Variants in SLC8A1 observed in about 807,000 individuals in gnomAD.
SLC8A1 encodes sodium/calcium exchanger 1.
Under a neutral mutation model 68.3 loss-of-function variants are expected in SLC8A1, and 18 were observed. That is an observed-to-expected ratio of 0.26 (90% CI 0.18 to 0.39). The LOEUF (loss-of-function observed/expected upper bound fraction) is 0.39, where lower values mean the gene tolerates loss of function less well. Among genes scored for constraint, SLC8A1 ranks in the 10% least tolerant of loss-of-function variants. The pLI is 1.00. For missense variants in SLC8A1, 985 were observed against 1,156.7 expected (o/e 0.85, Z 2.15); for synonymous variants, 475 against 415.5 (o/e 1.14, Z -1.74).
chr2:40,400,159 G>C (rs567183352), intron 2 of SLC8A1, among the ~76,000 whole-genome samples: 141 of 152,294 alleles, frequency 9.3e-4, no homozygotes, highest in Middle Eastern at 3.4e-3. Flanking sequence ...CACTCGGTGA[G>C]CTCGGCTCTT....
chr2:40,210,316 T>A (rs189046208), intron 2 of SLC8A1, among the ~76,000 whole-genome samples: 1 of 152,270 alleles, frequency 6.6e-6, no homozygotes, highest in African/African-American at 2.4e-5. Context: ...AGGAAGAAGA[T>A]ACCTGCTGGC....
intron 2 of SLC8A1, among the ~76,000 whole-genome samples, chr2:40,345,969 A>G (rs973032546): frequency 6.6e-6 from 1 of 150,980 alleles, no homozygotes; most frequent in Non-Finnish European, 1.5e-5. Flanking sequence ...TATGAAACAA[A>G]CCTGCACATA....
chr2:40,309,870 A>T (rs888895048), intron 2 of SLC8A1, among the ~76,000 whole-genome samples: 3 of 152,140 alleles, frequency 2.0e-5, no homozygotes, highest in African/African-American at 7.2e-5. Context: ...TGTATAATTC[A>T]GTGGTTTTTA....
At chr2:40,259,232 C>T (rs1055290385) in intron 2 of SLC8A1, among the ~76,000 whole-genome samples, 1 of 149,982 alleles carries the variant, frequency 6.7e-6, no homozygotes, top group African/African-American at 2.5e-5. Flanking sequence ...TGAGCTGGAC[C>T]ACTTCCAAGG....
chr2:40,424,164 C>T (rs1696244097), intron 2 of SLC8A1, among the ~76,000 whole-genome samples: 1 of 151,802 alleles, frequency 6.6e-6, no homozygotes. Context: ...CCTTTCTTGT[C>T]TTGTGATATT....
intron 2 of SLC8A1, among the ~76,000 whole-genome samples, chr2:40,355,433 G>C (rs1438532242): frequency 6.6e-6 from 1 of 152,148 alleles, no homozygotes; most frequent in African/African-American, 2.4e-5. Context: ...AGCTCAGCCA[G>C]TGGCTTTCTT....
chr2:40,494,014 CT>C (rs552685283), intron 1 of SLC8A1, among the ~76,000 whole-genome samples: 41 of 149,342 alleles, frequency 2.7e-4, no homozygotes, highest in South Asian at 1.5e-3. Context: ...CTTGGATAAA[CT>C]TTTTTTTTTC....
intron 2 of SLC8A1, among the ~76,000 whole-genome samples, chr2:40,301,225 C>A (rs77346158): frequency 7.2e-5 from 11 of 152,226 alleles, no homozygotes; most frequent in African/African-American, 1.7e-4. Context: ...TGTATTATTT[C>A]CTTTAAGATT....
At chr2:40,118,880 T>TC (rs2036152253) in intron 7 of SLC8A1, among the ~76,000 whole-genome samples, 1 of 151,902 alleles carries the variant, frequency 6.6e-6, no homozygotes, top group Admixed American at 6.6e-5. Flanking sequence ...CCTGCTTACC[T>TC]CCCCTGGCAC....
chr2:40,402,729 CAG>C (rs748268258), intron 2 of SLC8A1, among the ~76,000 whole-genome samples: 5 of 152,212 alleles, frequency 3.3e-5, no homozygotes, highest in East Asian at 1.9e-4. Context: ...CGTCTTTCTG[CAG>C]AGTTTCCACC....
At chr2:40,455,734 A>G (rs1402489753), upstream of SLC8A1, among the ~76,000 whole-genome samples, 2 of 152,154 alleles carry the variant, frequency 1.3e-5, no homozygotes, top group African/African-American at 4.8e-5. Flanking sequence ...TTGACTTCTA[A>G]GTGCTGTTGT....
chr2:40,368,474 T>C (rs1358088545), intron 2 of SLC8A1, among the ~76,000 whole-genome samples: 1 of 152,076 alleles, frequency 6.6e-6, no homozygotes, highest in Non-Finnish European at 1.5e-5. Flanking sequence ...GTAAATTTTA[T>C]TGGGAGGAAC....
chr2:40,427,267 C>A (rs553855679), intron 2 of SLC8A1, among the ~76,000 whole-genome samples: 2 of 152,132 alleles, frequency 1.3e-5, no homozygotes, highest in East Asian at 1.9e-4. Flanking sequence ...TCCCCTCCCC[C>A]TTTTTGGTTT....
At chr2:40,268,369 G>A (rs929623986) in intron 2 of SLC8A1, among the ~76,000 whole-genome samples, 2 of 152,132 alleles carry the variant, frequency 1.3e-5, no homozygotes, top group African/African-American at 4.8e-5. Context: ...GCAAAGTAAA[G>A]TTTGAGAAAC....
At chr2:40,436,773 T>C (rs1386823710) in intron 1 of SLC8A1, among the ~76,000 whole-genome samples, 1 of 151,780 alleles carries the variant, frequency 6.6e-6, no homozygotes. Context: ...GAAATATGGG[T>C]AGAAAAAAGA....
chr2:40,379,655 T>C (rs62149370), intron 2 of SLC8A1, among the ~76,000 whole-genome samples: 8 of 150,882 alleles, frequency 5.3e-5, no homozygotes, highest in South Asian at 2.1e-4. Flanking sequence ...TTTTTTTTTT[T>C]CCCTGCAGAG....
Position 40,231,794 on chromosome 2 carries a change from A to G in SLC8A1, c.1809-53939T>C, listed in dbSNP as rs544288228. ...CACATCAATAGCATCCACCTTTACCATCACCTATATAAGCAACTTACTTTG... is the reference window on the plus strand; with the variant it reads ...CACATCAATAGCATCCACCTTTACCGTCACCTATATAAGCAACTTACTTTG... On this transcript the variant is annotated intron_variant, in intron 2 of 7. Transcript: ENST00000406785. Among the ~76,000 whole-genome samples the G allele has an allele frequency of 5.6e-4, 85 of 152,256 alleles. 1 individual carries two copies. The highest frequency in any genetic ancestry group is 1.9e-3 in the African/African-American group (78 of 41,552).
At chr2:40,202,961 G>C (rs527436472) in intron 2 of SLC8A1, among the ~76,000 whole-genome samples, 1 of 152,046 alleles carries the variant, frequency 6.6e-6, no homozygotes, top group South Asian at 2.1e-4. Context: ...AAGTGTCCCT[G>C]TGATAAGCCA....
chr2:40,233,528 T>C (rs2148911259), intron 2 of SLC8A1, among the ~76,000 whole-genome samples: 1 of 142,158 alleles, frequency 7.0e-6, no homozygotes, highest in South Asian at 2.3e-4. Context: ...TGCGAAAATT[T>C]TCTCCCATTC....
Sources: allele counts gnomAD v4.1 joint callset (sites outside exome capture counted in the v4.1 genomes callset), GRCh38; gene constraint gnomAD v4.1.1; transcripts MANE v1.5; gene names NCBI Gene and HGNC (gene_info 2026-07-23, HGNC 2026-07-21).